Variants in TLE7 observed in about 807,000 individuals in gnomAD.
TLE7 encodes the protein transducin-like enhancer protein 7.
intron 1 of TLE7, among the ~76,000 whole-genome samples, chr16:71,435,462 G>A (rs116452618): frequency 6.6e-6 from 1 of 152,158 alleles, no homozygotes; most frequent in Non-Finnish European, 1.5e-5. Flanking sequence ...TGCATACATT[G>A]ATATGGAATA....
In TLE7 at chr16:71,432,159, C is replaced by A. The variant is rs1440352985; in HGVS notation, c.560G>T (p.Ser187Ile). Reference protein sequence around the residue: ...GSGYIRVWDESALHAGEKAPR... With the variant: ...GSGYIRVWDEIALHAGEKAPR... The stretch of plus-strand genomic sequence containing the variant: ...GGCCTTCTCCCCCGCATGCAGCGCA[C>A]TCTCATCCCATACCCTGATGTAGCC... The change falls in exon 5 of 10, where the codon AGT becomes ATT. Residue 187 changes from serine (S) to isoleucine (I), a missense_variant. Ser to Ile is a moderately radical substitution (Grantham distance 142, BLOSUM62 -2). Coordinates refer to ENST00000561754, the MANE Select transcript of TLE7 (RefSeq NM_001367365.2). 3 of 400,972 alleles carry A rather than the reference C, an allele frequency of 7.5e-6. No homozygotes were observed. Among genetic ancestry groups the A allele is most frequent in the African/African-American group, 6.2e-5 (3 of 48,740 alleles). The allele number at this position is 400,972 out of a possible 1,614,324, so 24.8% of individuals were successfully genotyped here.
chr16:71,438,440 A>AG (rs71389662), intron 1 of TLE7, among the ~76,000 whole-genome samples: 13,731 of 128,584 alleles, frequency 0.11, 711 homozygotes, highest in African/African-American at 0.15. Context: ...AAAAAAAAAA[A>AG]AGAGAGAGAG....
At chr16:71,438,511 G>T (rs1038268282) in intron 1 of TLE7, among the ~76,000 whole-genome samples, 1 of 151,320 alleles carries the variant, frequency 6.6e-6, no homozygotes, top group African/African-American at 2.4e-5. Flanking sequence ...ATTAAACTTG[G>T]AATGTGCAGA....
In TLE7 at chr16:71,433,286, G is replaced by T. The variant is rs9930642; in HGVS notation, c.39C>A (p.Phe13Leu). 2 of 398,564 alleles carry T rather than the reference G, an allele frequency of 5.0e-6. No homozygotes were observed. Among genetic ancestry groups the T allele is most frequent in the Non-Finnish European group, 8.8e-6 (2 of 226,102 alleles). The allele number at this position is 398,564 out of a possible 1,614,324, so 24.7% of individuals were successfully genotyped here. A position where few individuals can be genotyped will look rare whatever the true frequency, so the allele number is the denominator to read the frequency against. The change falls in exon 2 of 10, where the codon TTC becomes TTA. Residue 13 changes from phenylalanine to leucine, a missense_variant. Physicochemically the swap from Phe to Leu is conservative, Grantham distance 22. Transcript: ENST00000561754. ...TCTCCTCTGGCTCACCATAAGCCCC[G>T]AACATTCTGAGCGATGCCTCTTCCT... ...GEKEEASLRMFGAYGEPEERR... is the reference protein window; with the variant it reads ...GEKEEASLRMLGAYGEPEERR...
chr16:71,441,686 G>C (rs983522109), intron 1 of TLE7, among the ~76,000 whole-genome samples: 1 of 152,220 alleles, frequency 6.6e-6, no homozygotes, highest in African/African-American at 2.4e-5. Context: ...TCCGCCCACC[G>C]CGCAGGGCGC....
At chr16:71,438,350 G>C (rs2042834237) in intron 1 of TLE7, among the ~76,000 whole-genome samples, 1 of 144,472 alleles carries the variant, frequency 6.9e-6, no homozygotes, top group Non-Finnish European at 1.5e-5. Context: ...AATCACCTGA[G>C]CCCAGGAGGC....
rs1437074015 is a variant in TLE7 at position 71,432,155 on chromosome 16, C to T, written c.564G>A (p.Ala188=). The change falls in exon 5 of 10, where the codon GCG becomes GCA. Residue 188 remains alanine (A), a synonymous_variant. Transcript: ENST00000561754. The part of the protein sequence containing the change: ...SGYIRVWDES[A]LHAGEKAPRA... Reference sequence around the variant, plus strand: ...GAGGGGCCTTCTCCCCCGCATGCAGCGCACTCTCATCCCATACCCTGATGT... The same window carrying T: ...GAGGGGCCTTCTCCCCCGCATGCAGTGCACTCTCATCCCATACCCTGATGT... 3 of 401,090 alleles carry T rather than the reference C, an allele frequency of 7.5e-6. No individual in the cohort carries two copies. The highest frequency in any genetic ancestry group is 3.6e-5 in the East Asian group (1 of 28,070). 24.8% of individuals were successfully genotyped at this position (401,090 alleles called of 1,614,324 possible).
intron 1 of TLE7, among the ~76,000 whole-genome samples, chr16:71,433,681 C>T (rs1454955793): frequency 2.0e-5 from 3 of 152,162 alleles, no homozygotes; most frequent in Non-Finnish European, 4.4e-5. Flanking sequence ...ACTCACCTGC[C>T]GGGCACGGTG....
chr16:71,438,866 G>T (rs751787340), intron 1 of TLE7, among the ~76,000 whole-genome samples: 2 of 152,154 alleles, frequency 1.3e-5, no homozygotes, highest in Non-Finnish European at 2.9e-5. Context: ...TTGAGCTCAG[G>T]ATGTGCCATA....
intron 1 of TLE7, among the ~76,000 whole-genome samples, chr16:71,441,261 G>C (rs1467668238): frequency 6.6e-6 from 1 of 152,082 alleles, no homozygotes; most frequent in Non-Finnish European, 1.5e-5. Flanking sequence ...TTTTTTTGTT[G>C]TTGGTAGAGA....
rs1013098192 is a variant in TLE7 at position 71,431,773 on chromosome 16, T to A, written c.839A>T (p.Gln280Leu). The A allele has an allele frequency of 2.1e-4, 86 of 400,710 alleles. No homozygotes were observed. The highest frequency in any genetic ancestry group is 3.1e-4 in the Non-Finnish European group (70 of 226,226). 24.8% of individuals were successfully genotyped at this position (400,710 alleles called of 1,614,324 possible). The change falls in exon 6 of 10, where the codon CAA becomes CTA. Residue 280 changes from glutamine (Q) to leucine (L), a missense_variant. Transcript: ENST00000561754. This position sits in a 1 kb window ranked among gnomAD's most constrained non-coding sequence, Gnocchi z 4.5. ...GFVEIWDLQN[Q>L]ILIRKHEVPV... ...AGAGAGGTCATACCTGATCAAGATT[T>A]GGTTCTGCAAATCCCAAATCTCAAC...
chr16:71,438,438 A>AG (rs1424468768), intron 1 of TLE7, among the ~76,000 whole-genome samples: 149 of 147,222 alleles, frequency 1.0e-3, no homozygotes, highest in African/African-American at 3.7e-3. Context: ...AAAAAAAAAA[A>AG]AAAGAGAGAG....
Position 71,430,286 on chromosome 16 carries a change from G to A in TLE7, c.1302C>T (p.Ala434=), listed in dbSNP as rs766512585. ...QYLVMGSSSS[A]TIYQLLY ...TTTAATACAAGAGCTGGTAGATGGT[G>A]GCACTGCTGCTAGAGCCCATGACCA... Residue 434 remains alanine (A), a synonymous_variant, in exon 10 of 10, where the codon GCC becomes GCT. Coordinates refer to ENST00000561754, the MANE Select transcript of TLE7 (RefSeq NM_001367365.2). The A allele has an allele frequency of 2.0e-5, 8 of 398,570 alleles. No individual in the cohort carries two copies. Among genetic ancestry groups the A allele is most frequent in the Non-Finnish European group, 2.7e-5 (6 of 226,136 alleles). The allele number at this position is 398,570 out of a possible 1,614,324, so 24.7% of individuals were successfully genotyped here.
intron 1 of TLE7, among the ~76,000 whole-genome samples, chr16:71,437,518 C>T (rs2042831222): frequency 6.6e-6 from 1 of 151,068 alleles, no homozygotes; most frequent in South Asian, 2.1e-4. Flanking sequence ...ATGGGTGGGG[C>T]CCAAGACTGT....
Position 71,430,212 on chromosome 16 carries a change from C to T in TLE7, c.*50G>A. The T allele has an allele frequency of 5.0e-6, 2 of 398,608 alleles. No individual in the cohort carries two copies. Among genetic ancestry groups the T allele is most frequent in the Admixed American group, 4.4e-5 (1 of 22,730 alleles). 24.7% of individuals were successfully genotyped at this position (398,608 alleles called of 1,614,324 possible). On this transcript the variant is annotated 3_prime_UTR_variant, in exon 10 of 10. Coordinates refer to ENST00000561754, the MANE Select transcript of TLE7 (RefSeq NM_001367365.2). ...CACTCTGAAGCCATCCTCACAGCCA[C>T]ACCAGCCCAAAGACTGGGTCTTCAC...
rs574600917 is a variant in TLE7 at position 71,432,854 on chromosome 16, T to C, written c.334+16A>G. On this transcript the variant is annotated intron_variant, in intron 3 of 9. Transcript: ENST00000561754. ...CAGCTTGGGCAACCACACGCACCAC[T>C]ATGACTGGTACTCACCAACCTCAGA... 175 of 399,066 alleles carry C rather than the reference T, an allele frequency of 4.4e-4. No homozygotes were observed. Among genetic ancestry groups the C allele is most frequent in the Middle Eastern group, 1.9e-3 (3 of 1,594 alleles). 24.7% of individuals were successfully genotyped at this position (399,066 alleles called of 1,614,324 possible).
In TLE7 at chr16:71,432,657, A is replaced by G. The variant is rs1340370993; in HGVS notation, c.393+8T>C. 2 of 398,582 alleles carry G rather than the reference A, an allele frequency of 5.0e-6. No homozygotes were observed. The highest frequency in any genetic ancestry group is 4.1e-5 in the African/African-American group (2 of 48,620). 24.7% of individuals were successfully genotyped at this position (398,582 alleles called of 1,614,324 possible). Reference sequence around the variant, plus strand: ...GGAAGGATCCTGAGTATGAAGTTGGACACTTACAATTGCTCTGAGCAATGA... The same window carrying G: ...GGAAGGATCCTGAGTATGAAGTTGGGCACTTACAATTGCTCTGAGCAATGA... On this transcript the variant is annotated splice_region_variant and intron_variant, in intron 4 of 9. Coordinates refer to ENST00000561754, the MANE Select transcript of TLE7 (RefSeq NM_001367365.2).
intron 1 of TLE7, 128 bp downstream of exon 1, chr16:71,441,841 G>C (rs1235011149): frequency 6.6e-6 from 1 of 152,208 alleles, no homozygotes; most frequent in East Asian, 1.9e-4. Flanking sequence ...AACTCCAGCC[G>C]GCGTCGCCGG....
At chr16:71,440,272 G>A (rs1166160609) in intron 1 of TLE7, among the ~76,000 whole-genome samples, 92 of 152,204 alleles carry the variant, frequency 6.0e-4, no homozygotes, top group Non-Finnish European at 1.2e-4. Flanking sequence ...AAACTAGAGG[G>A]TGGTGATGGT....
Sources: allele counts gnomAD v4.1 joint callset (sites outside exome capture counted in the v4.1 genomes callset), GRCh38; gene constraint gnomAD v4.1.1; non-coding constraint Gnocchi (gnomAD v3.1); transcripts MANE v1.5; gene names NCBI Gene and HGNC (gene_info 2026-07-23, HGNC 2026-07-21).